The following SLC5A1 variants were observed in gnomAD, a reference collection of about 807,000 sequenced individuals.
The protein encoded by SLC5A1 is solute carrier family 5 member 1.
A neutral mutation model predicts 73.5 loss-of-function variants in SLC5A1; 42 were observed. The ratio of observed to expected loss-of-function variants is 0.57; its 90% CI spans 0.45 to 0.74. SLC5A1 has a LOEUF of 0.74. SLC5A1 is among the 30% of genes least tolerant of loss of function. The pLI, the probability that SLC5A1 is intolerant of heterozygous loss-of-function variation, is 0.00. For synonymous variants in SLC5A1, 300 were observed against 317.4 expected, an observed-to-expected ratio of 0.95 and a Z score of 0.58; for missense variants, 634 against 855.4, an observed-to-expected ratio of 0.74 and a Z score of 3.23.
chr22:32,076,919 C>T (rs1639529909), intron 5 of SLC5A1, among the ~76,000 whole-genome samples: 1 of 152,240 alleles, frequency 6.6e-6, no homozygotes, highest in African/African-American at 2.4e-5. Flanking sequence ...ATGGGAACAA[C>T]ACCCCTGGGC....
chr22:32,069,621 ATAGTT>A (rs750593943), intron 5 of SLC5A1, among the ~76,000 whole-genome samples: 4 of 149,806 alleles, frequency 2.7e-5, no homozygotes, highest in Non-Finnish European at 4.4e-5. Flanking sequence ...CCCATAATAT[ATAGTT>A]TAAAGTATCA....
chr22:32,100,553 T>G (rs1272609047), intron 12 of SLC5A1, among the ~76,000 whole-genome samples: 1 of 152,196 alleles, frequency 6.6e-6, no homozygotes, highest in Non-Finnish European at 1.5e-5. Context: ...TGAAAAAATT[T>G]GAATTTTTAA....
At chr22:32,074,598 C>T (rs1273289866) in intron 5 of SLC5A1, among the ~76,000 whole-genome samples, 1 of 152,150 alleles carries the variant, frequency 6.6e-6, no homozygotes, top group Non-Finnish European at 1.5e-5. Context: ...ACTCTATACA[C>T]TGGTCTCTAA....
At chr22:32,097,568 T>C (rs1198271769) in intron 11 of SLC5A1, among the ~76,000 whole-genome samples, 2 of 152,224 alleles carry the variant, frequency 1.3e-5, no homozygotes, top group African/African-American at 4.8e-5. Flanking sequence ...CCTGGTAGTG[T>C]TTCTTCCTAT....
At chr22:32,091,349 A>G in intron 10 of SLC5A1, among the ~76,000 whole-genome samples, 1 of 146,986 alleles carries the variant, frequency 6.8e-6, no homozygotes, top group African/African-American at 2.5e-5. Context: ...ACACCCCACC[A>G]CCTTCATCAT....
chr22:32,105,201 C>G (rs1038522145), intron 14 of SLC5A1, among the ~76,000 whole-genome samples: 1 of 152,082 alleles, frequency 6.6e-6, no homozygotes, highest in Non-Finnish European at 1.5e-5. Context: ...TGCAATCATG[C>G]CTGCAAGCAA....
chr22:32,104,483 A>G (rs2094041604), intron 13 of SLC5A1, among the ~76,000 whole-genome samples: 1 of 152,274 alleles, frequency 6.6e-6, no homozygotes, highest in Non-Finnish European at 1.5e-5. Context: ...TAAAAGGAAC[A>G]AATTATTTAT....
chr22:32,083,911 A>G lies in SLC5A1; in HGVS notation c.665-528A>G, dbSNP rs1569310486. On this transcript the variant is annotated intron_variant, in intron 7 of 14. Coordinates refer to ENST00000266088, the MANE Select transcript of SLC5A1 (RefSeq NM_000343.4). Reference sequence around the variant, plus strand: ...GGCAGGCAGTGGAATGACTTATTCAAGGACACACAATTGAGAGGTGGCAGG... The same window carrying G: ...GGCAGGCAGTGGAATGACTTATTCAGGGACACACAATTGAGAGGTGGCAGG... Among the ~76,000 whole-genome samples the G allele has an allele frequency of 2.0e-5, 3 of 152,198 alleles. No individual in the cohort carries two copies. In the South Asian group the frequency reaches 6.2e-4, roughly 32 times the overall value.
intron 5 of SLC5A1, among the ~76,000 whole-genome samples, chr22:32,074,565 C>G (rs545667442): frequency 6.6e-6 from 1 of 152,240 alleles, no homozygotes; most frequent in African/African-American, 2.4e-5. Context: ...TTTCTCCAGC[C>G]TTCCCAGCAT....
Position 32,043,504 on chromosome 22 carries a change from T to A in SLC5A1, c.135+88T>A. The A allele has an allele frequency of 7.1e-7, 1 of 1,406,258 alleles. No individual in the cohort carries two copies. Among genetic ancestry groups the A allele is most frequent in the Non-Finnish European group, 9.9e-7 (1 of 1,005,438 alleles). 87.1% of individuals were successfully genotyped at this position (1,406,258 alleles called of 1,614,324 possible). On this transcript the variant is annotated intron_variant, in intron 1 of 14. Transcript: ENST00000266088. This position sits in a 1 kb window ranked among gnomAD's most constrained non-coding sequence, Gnocchi z 6.5. ...GCTGAGCTGCAAGGGGCAGTAGGCT[T>A]AAGTGTCGGTGGAGGGGAGAGGAAA...
intron 11 of SLC5A1, among the ~76,000 whole-genome samples, chr22:32,097,981 G>T (rs1303624196): frequency 2.0e-5 from 3 of 152,194 alleles, no homozygotes; most frequent in African/African-American, 7.2e-5. Context: ...GCCATCACTA[G>T]GCATCAGGGA....
At chr22:32,063,495 G>A (rs557351210) in intron 2 of SLC5A1, among the ~76,000 whole-genome samples, 84 of 152,302 alleles carry the variant, frequency 5.5e-4, no homozygotes, top group Non-Finnish European at 1.1e-3. Context: ...TGCTGTCTCT[G>A]CACTTGAGGG....
chr22:32,084,414 T>G (rs565954257), intron 7 of SLC5A1, 25 bp from the exon 8 acceptor site: 1 of 1,599,906 alleles, frequency 6.3e-7, no homozygotes, highest in Admixed American at 1.7e-5. Context: ...TTCAGAATGT[T>G]CATTTCTGTA....
intron 5 of SLC5A1, among the ~76,000 whole-genome samples, chr22:32,073,095 C>G (rs774329790): frequency 1.4e-4 from 22 of 152,246 alleles, no homozygotes; most frequent in Non-Finnish European, 2.8e-4. Flanking sequence ...GGTGTCATTT[C>G]TAAGAATCCA....
chr22:32,090,422 C>T (rs1431728224), intron 10 of SLC5A1, among the ~76,000 whole-genome samples: 1 of 152,046 alleles, frequency 6.6e-6, no homozygotes, highest in Non-Finnish European at 1.5e-5. Context: ...TTGTGACTTG[C>T]TTCTTTTACT....
chr22:32,069,255 A>C (rs751102476), intron 5 of SLC5A1, among the ~76,000 whole-genome samples: 1 of 152,212 alleles, frequency 6.6e-6, no homozygotes, highest in Non-Finnish European at 1.5e-5. Flanking sequence ...GGTGGTTACC[A>C]GGGTCTGGGG....
chr22:32,103,909 G>T (rs2094040673), intron 13 of SLC5A1, among the ~76,000 whole-genome samples: 1 of 152,130 alleles, frequency 6.6e-6, no homozygotes, highest in African/African-American at 2.4e-5. Context: ...GACCAATTAT[G>T]AGCCATTTTT....
rs200929132 is a variant in SLC5A1 at position 32,043,290 on chromosome 22, T to C, written c.9T>C (p.Ser3=). ...GACGCAACGCTGCCACCATGGACAG[T>C]AGCACCTGGAGCCCCAAGACCACCG... MD[S]STWSPKTTAV... is the part of the protein sequence containing the mutation. Residue 3 remains serine, a synonymous_variant, in exon 1 of 15, where the codon AGT becomes AGC. Transcript: ENST00000266088. This position sits in a 1 kb window ranked among gnomAD's most constrained non-coding sequence, Gnocchi z 6.5. 6.2e-7 allele frequency: 1 copy of C among 1,614,022 alleles called. No individual in the cohort carries two copies. The highest frequency in any genetic ancestry group is 1.1e-5 in the South Asian group (1 of 91,084).
At chr22:32,108,621 A>G (rs2094050577) in intron 14 of SLC5A1, among the ~76,000 whole-genome samples, 1 of 152,144 alleles carries the variant, frequency 6.6e-6, no homozygotes. Context: ...TTTGAGTGTC[A>G]AAAGGTCTCA....
Sources: allele counts gnomAD v4.1 joint callset (sites outside exome capture counted in the v4.1 genomes callset), GRCh38; gene constraint gnomAD v4.1.1; non-coding constraint Gnocchi (gnomAD v3.1); transcripts MANE v1.5; gene names NCBI Gene and HGNC (gene_info 2026-07-23, HGNC 2026-07-21).